Variants in PLXNA2 observed in about 807,000 individuals in gnomAD.
PLXNA2 encodes plexin A2, also known as plexin-A2.
A neutral mutation model predicts 193.5 loss-of-function variants in PLXNA2; 91 were observed. The ratio of observed to expected loss-of-function variants is 0.47; its 90% CI spans 0.40 to 0.56. The LOEUF (loss-of-function observed/expected upper bound fraction) is 0.56. PLXNA2 is among the 20% of genes least tolerant of loss of function. The pLI is 0.00. For missense variants in PLXNA2, 1,995 were observed against 2,503.2 expected, an observed-to-expected ratio of 0.80 and a Z score of 4.33; for synonymous variants, 997 against 1,027.3, an observed-to-expected ratio of 0.97 and a Z score of 0.56.
chr1:208,072,735 C>T (rs1456112461), intron 12 of PLXNA2, among the ~76,000 whole-genome samples: 4 of 152,176 alleles, frequency 2.6e-5, no homozygotes, highest in Admixed American at 2.0e-4. Context: ...CCCCAATATC[C>T]CCTTCTTGTT....
At chr1:208,112,817 TCA>T (rs1019452078) in intron 4 of PLXNA2, among the ~76,000 whole-genome samples, 1 of 152,138 alleles carries the variant, frequency 6.6e-6, no homozygotes, top group African/African-American at 2.4e-5. Context: ...CAAATTAAGC[TCA>T]GCGTGCTAAG....
At chr1:208,211,685 T>C in intron 2 of PLXNA2, among the ~76,000 whole-genome samples, 1 of 117,142 alleles carries the variant, frequency 8.5e-6, no homozygotes, top group East Asian at 2.7e-4. Context: ...AGAACGAGAC[T>C]CCGTCTCAAA....
chr1:208,151,339 A>C (rs1668757060), intron 3 of PLXNA2, among the ~76,000 whole-genome samples: 1 of 152,178 alleles, frequency 6.6e-6, no homozygotes. Flanking sequence ...CCTTTCCTGG[A>C]GATGCCCTGG....
At chr1:208,164,177 C>T (rs1008016309) in intron 3 of PLXNA2, among the ~76,000 whole-genome samples, 19 of 152,214 alleles carry the variant, frequency 1.2e-4, no homozygotes, top group African/African-American at 4.3e-4. Context: ...ACACCTTTAG[C>T]CCTGCAGGCT....
At chr1:208,030,531 C>T (rs929970403) in intron 29 of PLXNA2, 65 of 985,288 alleles carry the variant, frequency 6.6e-5, no homozygotes, top group Middle Eastern at 1.0e-3. Context: ...CCAGCCTGTT[C>T]GTTTCACTCC....
rs999400748 is a variant in PLXNA2, at chr1:208,232,015, G to A, written c.-81+11628C>T. On this transcript the variant is annotated intron_variant, in intron 1 of 31. Coordinates refer to ENST00000367033, the MANE Select transcript of PLXNA2 (RefSeq NM_025179.4). ...GGGGTCTAAGGAGCTGTGACTCAGA[G>A]TTGAATTCTTGGGCCCTGTGAATGT... Among the ~76,000 whole-genome samples, 25 of 152,260 alleles carry A rather than the reference G, an allele frequency of 1.6e-4. 1 individual carries two copies. Among genetic ancestry groups the A allele is most frequent in the Admixed American group, 1.4e-3 (21 of 15,292 alleles).
chr1:208,056,787 G>A (rs549741284), intron 13 of PLXNA2, among the ~76,000 whole-genome samples: 109 of 152,252 alleles, frequency 7.2e-4, no homozygotes, highest in African/African-American at 2.5e-3. Flanking sequence ...GGCATCAGCC[G>A]AGCCCCCTTC....
At chr1:208,143,911 G>A (rs2102486841) in intron 3 of PLXNA2, among the ~76,000 whole-genome samples, 1 of 152,246 alleles carries the variant, frequency 6.6e-6, no homozygotes, top group South Asian at 2.1e-4. Context: ...ACCCTCTGAG[G>A]ACTAGCATGC....
intron 1 of PLXNA2, among the ~76,000 whole-genome samples, chr1:208,237,589 C>T (rs1445659682): frequency 5.9e-5 from 9 of 152,254 alleles, no homozygotes; most frequent in African/African-American, 1.2e-4. Context: ...TGGGTAGGTA[C>T]GGGTAGCTGT....
chr1:208,056,763 G>T (rs1665445086), intron 13 of PLXNA2, among the ~76,000 whole-genome samples: 1 of 152,206 alleles, frequency 6.6e-6, no homozygotes, highest in African/African-American at 2.4e-5. Context: ...GCTGGCCATA[G>T]GTCTCTTTCC....
chr1:208,030,614 GC>G, intron 29 of PLXNA2: 1 of 985,428 alleles, frequency 1.0e-6, no homozygotes, highest in African/African-American at 1.7e-5. Flanking sequence ...AAGAGATGGG[GC>G]TGGGGTTGGC....
chr1:208,074,326 C>T (rs923039805), intron 12 of PLXNA2, among the ~76,000 whole-genome samples: 3 of 152,194 alleles, frequency 2.0e-5, no homozygotes, highest in African/African-American at 4.8e-5. Flanking sequence ...ATCCTCTGCA[C>T]GTCTCCTGTT....
chr1:208,171,206 T>G (rs939565975), intron 3 of PLXNA2, among the ~76,000 whole-genome samples: 3 of 152,198 alleles, frequency 2.0e-5, no homozygotes, highest in Admixed American at 6.5e-5. Flanking sequence ...CAGGGTGCCA[T>G]GTTGGCACTG....
At chr1:208,210,252 T>G (rs758258105) in intron 3 of PLXNA2, 28 bp downstream of exon 3, 1 of 1,611,794 alleles carries the variant, frequency 6.2e-7, no homozygotes, top group Admixed American at 1.7e-5. Context: ...TGAATGGCAT[T>G]GGAGCATCTG....
intron 3 of PLXNA2, among the ~76,000 whole-genome samples, chr1:208,184,343 GC>G (rs1238074544): frequency 6.6e-6 from 1 of 151,954 alleles, no homozygotes; most frequent in Non-Finnish European, 1.5e-5. Context: ...GCTGTCTGTA[GC>G]AAAAGAGGAA....
chr1:208,035,531 G>T (rs1426888418), intron 26 of PLXNA2, among the ~76,000 whole-genome samples: 1 of 152,142 alleles, frequency 6.6e-6, no homozygotes, highest in Non-Finnish European at 1.5e-5. Context: ...GGATAAGTGA[G>T]GAGCCATACT....
At chr1:208,112,739 G>C (rs935928356) in intron 4 of PLXNA2, among the ~76,000 whole-genome samples, 1 of 152,116 alleles carries the variant, frequency 6.6e-6, no homozygotes, top group African/African-American at 2.4e-5. Context: ...CCCTGTAACT[G>C]CCGTCTTTAT....
intron 3 of PLXNA2, among the ~76,000 whole-genome samples, chr1:208,176,333 C>G (rs536422549): frequency 1.2e-4 from 19 of 152,270 alleles, no homozygotes; most frequent in Admixed American, 8.5e-4. Context: ...CAAATTATGC[C>G]TGTATCCACA....
intron 13 of PLXNA2, 86 bp downstream of exon 13, chr1:208,060,600 G>C: frequency 7.3e-7 from 1 of 1,364,702 alleles, no homozygotes; most frequent in South Asian, 1.4e-5. Context: ...ATCAATCATG[G>C]AAAAGGCCCA....
Sources: allele counts gnomAD v4.1 joint callset (sites outside exome capture counted in the v4.1 genomes callset), GRCh38; gene constraint gnomAD v4.1.1; transcripts MANE v1.5; gene names NCBI Gene and HGNC (gene_info 2026-07-23, HGNC 2026-07-21).